Variants in DNAJC13 observed in about 807,000 individuals in gnomAD.
The protein encoded by DNAJC13 is DnaJ heat shock protein family (Hsp40) member C13, also known as dnaJ homolog subfamily C member 13.
Under a neutral mutation model 290.5 loss-of-function variants are expected in DNAJC13, and 75 were observed. The ratio of observed to expected loss-of-function variants is 0.26; its 90% CI spans 0.21 to 0.31. The LOEUF is 0.31. DNAJC13 is among the 10% of genes least tolerant of loss of function. DNAJC13 has a pLI of 1.00. For synonymous variants in DNAJC13, 862 were observed against 892.0 expected, an observed-to-expected ratio of 0.97 and a Z score of 0.60; for missense variants, 2,260 against 2,674.5, an observed-to-expected ratio of 0.85 and a Z score of 3.42.
chr3:132,517,681 A>G (rs1378806), intron 48 of DNAJC13, among the ~76,000 whole-genome samples: 91,157 of 152,038 alleles, frequency 0.6, 29,503 homozygotes, highest in East Asian at 0.87. Context: ...TTGGGTAAGG[A>G]GGAGGCTAAG....
rs144000251 is a variant in DNAJC13 at position 132,519,109 on chromosome 3, G to A, written c.5673+2293G>A. Among the ~76,000 whole-genome samples, 1,153 of 152,308 alleles carry A rather than the reference G, an allele frequency of 7.6e-3. 10 individuals carry two copies. The highest frequency in any genetic ancestry group is 0.047 in the South Asian group (228 of 4,828). On this transcript the variant is annotated intron_variant, in intron 48 of 55. Transcript: ENST00000260818. ...TTTGGCTCTGCTAAATTACACTACT[G>A]TGAACATTTGTGTACAGGTTTTTGT... is the stretch of plus-strand genomic sequence containing the variant.
Position 132,494,056 on chromosome 3 carries a change from A to G in DNAJC13, c.3826-88A>G, listed in dbSNP as rs1935149990. The G allele has an allele frequency of 8.7e-6, 8 of 922,446 alleles. No individual in the cohort carries two copies. In the South Asian group the frequency reaches 8.7e-5, roughly 10 times the overall value. 57.1% of individuals were successfully genotyped at this position (922,446 alleles called of 1,614,324 possible). A position where few individuals can be genotyped will look rare whatever the true frequency, so the allele number is the denominator to read the frequency against. On this transcript the variant is annotated intron_variant, in intron 33 of 55. Coordinates refer to ENST00000260818, the MANE Select transcript of DNAJC13 (RefSeq NM_015268.4). The stretch of plus-strand genomic sequence containing the variant: ...TGGACAGCTAAAAGTATCCATTTAA[A>G]TAAATACAGCACAATAATTCTATAA...
chr3:132,507,423 A>T (rs1405834978), intron 43 of DNAJC13, 70 bp downstream of exon 43: 1 of 911,322 alleles, frequency 1.1e-6, no homozygotes, highest in Non-Finnish European at 1.8e-6. Context: ...TAGTTTATTC[A>T]CACTTTATAG....
intron 48 of DNAJC13, among the ~76,000 whole-genome samples, chr3:132,518,955 T>G (rs190327258): frequency 6.8e-4 from 103 of 152,348 alleles, no homozygotes; most frequent in African/African-American, 1.2e-3. Flanking sequence ...ATGTATGGTC[T>G]TTTGTGACTG....
chr3:132,506,045 CTTTTTTTTTTT>C (rs573857472), intron 42 of DNAJC13, among the ~76,000 whole-genome samples: 5 of 72,676 alleles, frequency 6.9e-5, no homozygotes, highest in Admixed American at 2.1e-4. Flanking sequence ...TGTACATTAT[CTTTTTTTTTTT>C]TTTTTTTTTT....
intron 17 of DNAJC13, 38 bp from the exon 18 acceptor site, chr3:132,465,957 T>G (rs751151875): frequency 6.7e-7 from 1 of 1,484,390 alleles, no homozygotes; most frequent in Non-Finnish European, 9.4e-7. Flanking sequence ...CTAGCTGAGA[T>G]AAAGCAGCAA....
rs1448681062 is a variant in DNAJC13 at position 132,503,368 on chromosome 3, C to T, written c.4871C>T (p.Ala1624Val). ...TPYVARKLAVASVTEILKMLN... is the reference protein window; with the variant it reads ...TPYVARKLAVVSVTEILKMLN... ...TATGTTGCTAGAAAACTTGCTGTGG[C>T]TAGTGTGACTGAGGTATGTGCTTCA... The change falls in exon 41 of 56, where the codon GCT becomes GTT. Residue 1624 changes from alanine to valine, a missense_variant. Ala to Val is a moderately conservative substitution (Grantham distance 64). This residue lies in a region of DNAJC13 where 1,494 missense variants were observed against 1,693.7 expected (regional missense o/e 0.88). Coordinates refer to ENST00000260818, the MANE Select transcript of DNAJC13 (RefSeq NM_015268.4). The T allele has an allele frequency of 6.2e-7, 1 of 1,613,828 alleles. No individual in the cohort carries two copies. The highest frequency in any genetic ancestry group is 1.7e-5 in the Admixed American group (1 of 59,992).
chr3:132,427,184 TGCA>T (rs1328017384), intron 1 of DNAJC13, among the ~76,000 whole-genome samples: 2 of 149,594 alleles, frequency 1.3e-5, no homozygotes, highest in Non-Finnish European at 3.0e-5. Context: ...CAGGCTCGAG[TGCA>T]GTGGCAAGAT....
chr3:132,473,275 A>T (rs1934350835), intron 21 of DNAJC13, 48 bp downstream of exon 21: 1 of 1,286,890 alleles, frequency 7.8e-7, no homozygotes, highest in African/African-American at 1.5e-5. Context: ...TAGTATTGCC[A>T]TGAGAGGCAT....
chr3:132,471,178 C>T (rs1456116178), intron 20 of DNAJC13, among the ~76,000 whole-genome samples: 2 of 130,180 alleles, frequency 1.5e-5, no homozygotes, highest in African/African-American at 2.9e-5. Context: ...TCCTCACTTC[C>T]CAGTAGGGGC....
chr3:132,455,801 C>A (rs375475241), intron 9 of DNAJC13, among the ~76,000 whole-genome samples: 1 of 152,100 alleles, frequency 6.6e-6, no homozygotes, highest in South Asian at 2.1e-4. Context: ...AGAGATAGAT[C>A]AGTGGTTTCC....
intron 1 of DNAJC13, among the ~76,000 whole-genome samples, chr3:132,421,226 A>C (rs921754388): frequency 6.6e-6 from 1 of 152,158 alleles, no homozygotes; most frequent in Non-Finnish European, 1.5e-5. Context: ...GTTGGGTACA[A>C]TTTTCTGCGT....
At chr3:132,438,906 G>C (rs560875593) in intron 2 of DNAJC13, among the ~76,000 whole-genome samples, 25 of 152,166 alleles carry the variant, frequency 1.6e-4, no homozygotes, top group Admixed American at 3.3e-4. Flanking sequence ...GGGGGAAAAG[G>C]CACTTTTCTT....
In DNAJC13 at chr3:132,538,291, C is replaced by G; in HGVS notation, c.*9C>G. Reference sequence around the variant, plus strand: ...TTGGCTATCAGACTTGAAATATTCACGAGAGACAATAAACGCTGAAAGGCC... The same window carrying G: ...TTGGCTATCAGACTTGAAATATTCAGGAGAGACAATAAACGCTGAAAGGCC... On this transcript the variant is annotated 3_prime_UTR_variant, in exon 56 of 56. Coordinates refer to ENST00000260818, the MANE Select transcript of DNAJC13 (RefSeq NM_015268.4). 2 of 1,609,742 alleles carry G rather than the reference C, an allele frequency of 1.2e-6. No homozygotes were observed. The highest frequency in any genetic ancestry group is 1.7e-6 in the Non-Finnish European group (2 of 1,177,268).
intron 1 of DNAJC13, among the ~76,000 whole-genome samples, chr3:132,431,893 CAG>C (rs1939248329): frequency 6.6e-6 from 1 of 152,146 alleles, no homozygotes; most frequent in Admixed American, 6.5e-5. Context: ...TGACCGCTAA[CAG>C]AGTTTCTTAC....
intron 25 of DNAJC13, 30 bp from the exon 26 acceptor site, chr3:132,480,339 G>C (rs1270691478): frequency 6.6e-7 from 1 of 1,518,498 alleles, no homozygotes; most frequent in Admixed American, 1.7e-5. Flanking sequence ...AAAATGTTTA[G>C]ATTACGAAAA....
At chr3:132,456,613 T>A in intron 11 of DNAJC13, 33 bp downstream of exon 11, 1 of 1,613,304 alleles carries the variant, frequency 6.2e-7, no homozygotes, top group African/African-American at 1.3e-5. Flanking sequence ...TGTTCATTGT[T>A]ACTAACTTTT....
chr3:132,471,850 CG>C (rs1412735239), intron 20 of DNAJC13, among the ~76,000 whole-genome samples: 6 of 146,974 alleles, frequency 4.1e-5, no homozygotes, highest in Admixed American at 2.8e-4. Flanking sequence ...GGGTGGCGGC[CG>C]GGCAGAGGCT....
Position 132,478,125 on chromosome 3 carries a change from T to G in DNAJC13, c.2694T>G (p.Ile898Met). ...CTTTTACAGATACCAGATATATCAT[T>G]GGAATGTTAGAGAGGGTAAGGATAT... Reference protein sequence around the residue: ...IGPFTDTRYIIGMLERCTDKL... With the variant: ...IGPFTDTRYIMGMLERCTDKL... Residue 898 changes from isoleucine (I) to methionine (M), a missense_variant, in exon 24 of 56, where the codon ATT becomes ATG. Physicochemically the swap from Ile to Met is conservative, Grantham distance 10. Around this residue, in one of 3 missense-constraint regions of DNAJC13, gnomAD observed 1,494 missense variants for 1,693.7 expected, o/e 0.88. Coordinates refer to ENST00000260818, the MANE Select transcript of DNAJC13 (RefSeq NM_015268.4). The G allele has an allele frequency of 6.2e-7, 1 of 1,610,490 alleles. No homozygotes were observed. Among genetic ancestry groups the G allele is most frequent in the Non-Finnish European group, 8.5e-7 (1 of 1,178,922 alleles).
Sources: gnomAD v4.1 joint callset for allele counts (sites outside exome capture counted in the v4.1 genomes callset) on GRCh38, gnomAD v4.1.1 for gene constraint, gnomAD v4.1.1 regional missense constraint, MANE v1.5 for transcripts, NCBI Gene and HGNC (gene_info 2026-07-23, HGNC 2026-07-21) for gene names.